Variants in CORIN observed in about 807,000 individuals in gnomAD.
CORIN encodes atrial natriuretic peptide-converting enzyme.
A neutral mutation model predicts 125.3 loss-of-function variants in CORIN; 117 were observed. The ratio of observed to expected loss-of-function variants is 0.93; its 90% confidence interval spans 0.80 to 1.09. The LOEUF (loss-of-function observed/expected upper bound fraction) is 1.09, where lower values mean the gene tolerates loss of function less well. Ranked by LOEUF, CORIN falls within the 50% of genes least tolerant of loss-of-function variation. The probability of loss-of-function intolerance (pLI) is 0.00; values close to 1 mark genes in which losing one functional copy is unlikely to be tolerated. For synonymous variants in CORIN, 450 were observed against 466.4 expected (o/e 0.96, Z 0.45); for missense variants, 1,253 against 1,306.7 (o/e 0.96, Z 0.63).
intron 8 of CORIN, among the ~76,000 whole-genome samples, chr4:47,678,295 C>A (rs1278080454): frequency 1.3e-5 from 2 of 152,136 alleles, no homozygotes; most frequent in East Asian, 1.9e-4. Flanking sequence ...TATCATGATC[C>A]TACTTACTAA....
At chr4:47,720,109 T>A (rs922611780) in intron 5 of CORIN, among the ~76,000 whole-genome samples, 3 of 152,198 alleles carry the variant, frequency 2.0e-5, no homozygotes, top group Non-Finnish European at 4.4e-5. Context: ...GCATAAAATG[T>A]GCTACAAATA....
intron 1 of CORIN, among the ~76,000 whole-genome samples, chr4:47,822,118 A>T (rs904054972): frequency 6.6e-6 from 1 of 152,238 alleles, no homozygotes; most frequent in Non-Finnish European, 1.5e-5. Flanking sequence ...TAGATTTTTT[A>T]AAAATGCAAA....
chr4:47,742,080 G>T (rs1050395695), intron 5 of CORIN, among the ~76,000 whole-genome samples: 2 of 151,630 alleles, frequency 1.3e-5, no homozygotes, highest in African/African-American at 2.4e-5. Context: ...CAGTAAAGCT[G>T]GCATTTCTAA....
chr4:47,792,284 T>G (rs1369095835), intron 2 of CORIN, among the ~76,000 whole-genome samples: 2 of 152,118 alleles, frequency 1.3e-5, no homozygotes, highest in African/African-American at 4.8e-5. Flanking sequence ...CCAGACAGGA[T>G]AGGTCTTGTA....
intron 13 of CORIN, among the ~76,000 whole-genome samples, chr4:47,653,302 C>A (rs1039817019): frequency 6.6e-6 from 1 of 152,112 alleles, no homozygotes; most frequent in African/African-American, 2.4e-5. Flanking sequence ...GGTCCTGGAA[C>A]ATATCCCTAC....
chr4:47,801,746 G>C (rs1384169066), intron 2 of CORIN, among the ~76,000 whole-genome samples: 1 of 152,244 alleles, frequency 6.6e-6, no homozygotes, highest in African/African-American at 2.4e-5. Context: ...CCAGTGGTGA[G>C]AGCTTGAGTT....
At chr4:47,800,904 C>G (rs1319503401) in intron 2 of CORIN, among the ~76,000 whole-genome samples, 1 of 152,090 alleles carries the variant, frequency 6.6e-6, no homozygotes, top group Non-Finnish European at 1.5e-5. Flanking sequence ...CACTAGCATC[C>G]TCCAGAGCAT....
chr4:47,694,480 T>C (rs1052186105), intron 5 of CORIN, among the ~76,000 whole-genome samples: 11 of 151,818 alleles, frequency 7.2e-5, no homozygotes, highest in Non-Finnish European at 7.4e-5. Context: ...TGTGTTTGTG[T>C]ATGTGTGTGT....
At chr4:47,778,228 CTGTT>C (rs1475860453) in intron 3 of CORIN, among the ~76,000 whole-genome samples, 1 of 152,168 alleles carries the variant, frequency 6.6e-6, no homozygotes, top group East Asian at 1.9e-4. Flanking sequence ...TTTGATGTGA[CTGTT>C]TGACTCTCAC....
chr4:47,795,270 T>C (rs1015070046), intron 2 of CORIN, among the ~76,000 whole-genome samples: 3 of 152,122 alleles, frequency 2.0e-5, no homozygotes, highest in African/African-American at 7.2e-5. Flanking sequence ...TTTGGGTATT[T>C]GGGATCTTTT....
In CORIN at chr4:47,749,408, A is replaced by G. The variant is rs1252590543; in HGVS notation, c.618-4825T>C. 2.0e-5 allele frequency among the ~76,000 whole-genome samples: 3 copies of G among 152,228 alleles called. No individual in the cohort carries two copies. In the East Asian group the frequency reaches 5.8e-4, roughly 29 times the overall value. ...AGGATCTGAAGGTTGCCACTGGCTA[A>G]TAGACAGCTAGGAACTAAGACCCTC... is the stretch of plus-strand genomic sequence containing the variant. On this transcript the variant is annotated intron_variant, in intron 4 of 21. Transcript: ENST00000273857.
intron 10 of CORIN, among the ~76,000 whole-genome samples, chr4:47,667,360 C>T (rs190096972): frequency 6.6e-6 from 1 of 152,320 alleles, no homozygotes; most frequent in East Asian, 1.9e-4. Flanking sequence ...TGGGGGAATA[C>T]AGCAGAGAGG....
Position 47,603,420 on chromosome 4 carries a change from C to G in CORIN, c.2789G>C (p.Gly930Ala). 6.2e-7 allele frequency: 1 copy of G among 1,614,128 alleles called. No homozygotes were observed. The part of the protein sequence containing the change: ...LEPDTYCYIT[G>A]WGHMGNKMPF... ...ACTTTTATTGCCCATGTGGCCCCAG[C>G]CTGTGATATAGCAGTACGTGTCAGG... The change falls in exon 20 of 22, where the codon GGC becomes GCC. Residue 930 changes from glycine to alanine, a missense_variant. Coordinates refer to ENST00000273857, the MANE Select transcript of CORIN (RefSeq NM_006587.4).
chr4:47,594,056 T>C lies in CORIN; in HGVS notation c.*1665A>G, dbSNP rs1245830222. 1 of 151,690 alleles carries C rather than the reference T, an allele frequency of 6.6e-6. No individual in the cohort carries two copies. The highest frequency in any genetic ancestry group is 2.4e-5 in the African/African-American group (1 of 41,302). 9.4% of individuals were successfully genotyped at this position (151,690 alleles called of 1,614,324 possible). ...AATTATTTAAAATAAGTATAATATA[T>C]ATATTTCACTGAGCCTAAGTTGAGC... On this transcript the variant is annotated 3_prime_UTR_variant, in exon 22 of 22. Transcript: ENST00000273857.
chr4:47,677,636 T>C lies in CORIN; in HGVS notation c.1249+302A>G, dbSNP rs987335030. 4.6e-5 allele frequency among the ~76,000 whole-genome samples: 7 copies of C among 152,290 alleles called. No homozygotes were observed. The South Asian group carries it at 1.5e-3, about 32-fold the overall frequency. ...CTCACTGGAATCTAATCTGATTTAA[T>C]TGGATGCTATACACTAAACTTCTCT... On this transcript the variant is annotated intron_variant, in intron 9 of 21. Transcript: ENST00000273857.
At chr4:47,700,389 A>G (rs1726230710) in intron 5 of CORIN, among the ~76,000 whole-genome samples, 1 of 152,172 alleles carries the variant, frequency 6.6e-6, no homozygotes, top group Non-Finnish European at 1.5e-5. Context: ...TGTGGATTCA[A>G]CGCTGTTACA....
intron 19 of CORIN, among the ~76,000 whole-genome samples, chr4:47,610,709 G>T (rs1466930358): frequency 2.0e-5 from 3 of 152,152 alleles, no homozygotes. Flanking sequence ...TTCTTCTAGG[G>T]TTTTTGTAGT....
At chr4:47,665,488 G>A (rs1272542186) in intron 10 of CORIN, among the ~76,000 whole-genome samples, 1 of 152,148 alleles carries the variant, frequency 6.6e-6, no homozygotes, top group Non-Finnish European at 1.5e-5. Flanking sequence ...CTAGCACTGT[G>A]ACAACATCTT....
chr4:47,639,996 A>AT (rs34598091), intron 16 of CORIN, among the ~76,000 whole-genome samples: 39,859 of 151,984 alleles, frequency 0.26, 5,474 homozygotes, highest in Admixed American at 0.36. Flanking sequence ...CCACTTACCC[A>AT]TTTTTCCCAT....
Sources: allele counts gnomAD v4.1 joint callset (sites outside exome capture counted in the v4.1 genomes callset), GRCh38; gene constraint gnomAD v4.1.1; transcripts MANE v1.5; gene names NCBI Gene and HGNC (gene_info 2026-07-23, HGNC 2026-07-21).